NIPAL2: variants seen among roughly 807,000 people sequenced by gnomAD.
NIPAL2 encodes the protein NIPA like domain containing 2, also known as NIPA-like protein 2.
NIPAL2 carries 43 observed loss-of-function variants against 48.9 expected under a neutral mutation model. The observed-to-expected ratio is 0.88, with a 90% CI of 0.69 to 1.13. The LOEUF is 1.13. Ranked by LOEUF, NIPAL2 falls within the 50% of genes most tolerant of loss-of-function variation. The pLI is 0.00. For synonymous variants in NIPAL2, 167 were observed against 174.6 expected, an observed-to-expected ratio of 0.96 and a Z score of 0.34; for missense variants, 446 against 461.4, an observed-to-expected ratio of 0.97 and a Z score of 0.31.
At chr8:98,263,823 CA>C (rs199755581) in intron 1 of NIPAL2, among the ~76,000 whole-genome samples, 31,735 of 40,924 alleles carry the variant, frequency 0.78, 11,279 homozygotes, top group Middle Eastern at 0.96. Context: ...AGAGACACAA[CA>C]AAAAAAAGAG....
chr8:98,213,311 AT>A (rs1811414389), intron 5 of NIPAL2, among the ~76,000 whole-genome samples: 1 of 152,102 alleles, frequency 6.6e-6, no homozygotes. Flanking sequence ...TACCCAGTTT[AT>A]TTTTGCATGT....
chr8:98,262,958 C>T (rs1814452472), intron 1 of NIPAL2, among the ~76,000 whole-genome samples: 1 of 149,530 alleles, frequency 6.7e-6, no homozygotes, highest in Non-Finnish European at 1.5e-5. Context: ...CAAACTAGAA[C>T]TCAGGATTAA....
intron 3 of NIPAL2, among the ~76,000 whole-genome samples, chr8:98,245,770 A>G (rs1654222210): frequency 1.3e-5 from 2 of 152,252 alleles, no homozygotes; most frequent in Admixed American, 1.3e-4. Context: ...TGTTTCAAAT[A>G]AAGTGTTTAG....
intron 1 of NIPAL2, among the ~76,000 whole-genome samples, chr8:98,256,881 G>A (rs950536710): frequency 6.6e-6 from 1 of 152,168 alleles, no homozygotes; most frequent in Non-Finnish European, 1.5e-5. Context: ...ATTCATAATA[G>A]CCAAAAGGTG....
intron 1 of NIPAL2, among the ~76,000 whole-genome samples, chr8:98,273,185 A>G (rs559107130): frequency 6.6e-6 from 1 of 152,350 alleles, no homozygotes; most frequent in South Asian, 2.1e-4. Context: ...TCAGCCATAA[A>G]AGGGAGTGAA....
intron 6 of NIPAL2, among the ~76,000 whole-genome samples, chr8:98,212,017 T>C (rs1251230750): frequency 6.6e-6 from 1 of 152,184 alleles, no homozygotes; most frequent in Non-Finnish European, 1.5e-5. Flanking sequence ...AGTCATATTA[T>C]AGAGTTTTTA....
chr8:98,285,683 G>T (rs1476628403), intron 1 of NIPAL2, among the ~76,000 whole-genome samples: 1 of 152,002 alleles, frequency 6.6e-6, no homozygotes, highest in Non-Finnish European at 1.5e-5. Context: ...TCATCCAAAT[G>T]GATTACTTTC....
chr8:98,268,705 G>T (rs925337233), intron 1 of NIPAL2, among the ~76,000 whole-genome samples: 2 of 151,392 alleles, frequency 1.3e-5, no homozygotes, highest in African/African-American at 4.9e-5. Flanking sequence ...TTACCTCAGA[G>T]ATATTGCAGG....
chr8:98,272,422 G>C (rs536267527), intron 1 of NIPAL2, among the ~76,000 whole-genome samples: 200 of 152,240 alleles, frequency 1.3e-3, no homozygotes, highest in Non-Finnish European at 2.3e-3. Flanking sequence ...GAAAAAGGAA[G>C]GGAGATTTAT....
At chr8:98,235,357 C>T (rs1175271092) in intron 4 of NIPAL2, among the ~76,000 whole-genome samples, 1 of 152,200 alleles carries the variant, frequency 6.6e-6, no homozygotes, top group Non-Finnish European at 1.5e-5. Flanking sequence ...ATGGCTTTGC[C>T]ATACATCAGA....
chr8:98,236,176 A>G lies in NIPAL2; in HGVS notation c.415T>C (p.Leu139=), dbSNP rs1214992776. 6.2e-7 allele frequency: 1 copy of G among 1,604,006 alleles called. No homozygotes were observed. The highest frequency in any genetic ancestry group is 8.5e-7 in the Non-Finnish European group (1 of 1,173,748). ...IISVTFLKDN[L]RASDLLGTTL... is the part of the protein sequence containing the mutation. ...TTACCGAGTAAGTCTGAGGCTCTCA[A>G]ATTGTCTTTCAGAAATGTAACAGAA... The change falls in exon 4 of 11, where the codon TTG becomes CTG. Residue 139 remains leucine, a synonymous_variant. Transcript: ENST00000430223.
intron 6 of NIPAL2, among the ~76,000 whole-genome samples, chr8:98,208,990 G>A (rs1466257788): frequency 6.6e-6 from 1 of 152,136 alleles, no homozygotes; most frequent in Non-Finnish European, 1.5e-5. Flanking sequence ...ACAGTGCAGA[G>A]TGAGCATCTT....
intron 6 of NIPAL2, among the ~76,000 whole-genome samples, chr8:98,211,318 T>G (rs1811303154): frequency 6.6e-6 from 1 of 152,192 alleles, no homozygotes; most frequent in African/African-American, 2.4e-5. Context: ...ATAAGGTACA[T>G]TTTGTTTCTT....
intron 1 of NIPAL2, among the ~76,000 whole-genome samples, chr8:98,280,791 G>GAGAGAGAGAGAT (rs1815783371): frequency 7.1e-6 from 1 of 140,966 alleles, no homozygotes; most frequent in Non-Finnish European, 1.5e-5. Context: ...GAGAGAGAGA[G>GAGAGAGAGAGAT]AAAGCGAGAG....
chr8:98,248,001 G>C (rs1813395449), intron 3 of NIPAL2, among the ~76,000 whole-genome samples: 1 of 152,222 alleles, frequency 6.6e-6, no homozygotes, highest in South Asian at 2.1e-4. Flanking sequence ...TTTGAAGCCA[G>C]AGCAAGAAGA....
intron 1 of NIPAL2, among the ~76,000 whole-genome samples, chr8:98,286,496 A>G (rs1181017572): frequency 6.6e-6 from 1 of 152,152 alleles, no homozygotes; most frequent in African/African-American, 2.4e-5. Context: ...ACCTCCTGAT[A>G]TGTGCCAAAG....
At chr8:98,278,646 C>G (rs1815621519) in intron 1 of NIPAL2, among the ~76,000 whole-genome samples, 1 of 152,188 alleles carries the variant, frequency 6.6e-6, no homozygotes, top group Non-Finnish European at 1.5e-5. Context: ...CTCCACTAGA[C>G]TATAAGCTCC....
At chr8:98,221,810 G>A (rs1202186373) in intron 5 of NIPAL2, among the ~76,000 whole-genome samples, 1 of 152,214 alleles carries the variant, frequency 6.6e-6, no homozygotes, top group Non-Finnish European at 1.5e-5. Flanking sequence ...TGGAGAGGAT[G>A]TGGAGAAACA....
intron 1 of NIPAL2, among the ~76,000 whole-genome samples, chr8:98,261,298 GAGA>G (rs1406434340): frequency 6.9e-6 from 1 of 143,898 alleles, no homozygotes; most frequent in Non-Finnish European, 1.5e-5. Context: ...GACGAGCTGA[GAGA>G]AGAAGGCTTC....
Sources: allele counts gnomAD v4.1 joint callset (sites outside exome capture counted in the v4.1 genomes callset), GRCh38; gene constraint gnomAD v4.1.1; transcripts MANE v1.5; gene names NCBI Gene and HGNC (gene_info 2026-07-23, HGNC 2026-07-21).